The following SLC35F3 variants were observed in gnomAD, a reference collection of about 807,000 sequenced individuals.
SLC35F3 encodes solute carrier family 35 member F3.
SLC35F3 carries 25 observed loss-of-function variants against 49.9 expected under a neutral mutation model. The observed-to-expected ratio is 0.50, with a 90% CI of 0.37 to 0.70. The LOEUF is 0.70. Ranked by LOEUF, SLC35F3 falls within the 30% of genes least tolerant of loss-of-function variation. The pLI is 0.00. For missense variants in SLC35F3, 525 were observed against 639.8 expected, an observed-to-expected ratio of 0.82 and a Z score of 1.94; for synonymous variants, 275 against 265.4, an observed-to-expected ratio of 1.04 and a Z score of -0.35.
At chr1:234,131,629 A>C (rs1004824129) in intron 2 of SLC35F3, among the ~76,000 whole-genome samples, 1 of 152,218 alleles carries the variant, frequency 6.6e-6, no homozygotes, top group African/African-American at 2.4e-5. Flanking sequence ...GCGAGCAAGG[A>C]AGGGATTCAA....
chr1:234,234,000 G>A (rs918911546), intron 3 of SLC35F3, among the ~76,000 whole-genome samples: 5 of 152,028 alleles, frequency 3.3e-5, no homozygotes, highest in African/African-American at 1.2e-4. Context: ...TTCCTCAAAA[G>A]GAGAGAAAAA....
At chr1:234,040,350 TA>T (rs2102852789) in intron 2 of SLC35F3, among the ~76,000 whole-genome samples, 1 of 152,268 alleles carries the variant, frequency 6.6e-6, no homozygotes, top group South Asian at 2.1e-4. Context: ...ATTTGATTTG[TA>T]AAAAGACGTT....
chr1:234,137,863 T>G (rs1005066734), intron 2 of SLC35F3, among the ~76,000 whole-genome samples: 1 of 152,030 alleles, frequency 6.6e-6, no homozygotes, highest in Admixed American at 6.6e-5. Context: ...AGAGAAATGG[T>G]CCCCATCTGA....
intron 2 of SLC35F3, among the ~76,000 whole-genome samples, chr1:233,959,350 G>C (rs1248325080): frequency 1.3e-5 from 2 of 151,868 alleles, no homozygotes. Context: ...GCCCTTAACT[G>C]CAGCTGCTAC....
At chr1:234,002,088 G>C (rs764777460) in intron 2 of SLC35F3, among the ~76,000 whole-genome samples, 9 of 152,182 alleles carry the variant, frequency 5.9e-5, no homozygotes, top group South Asian at 2.1e-4. Flanking sequence ...TGAACAGAGA[G>C]TCTTGCACCT....
intron 2 of SLC35F3, among the ~76,000 whole-genome samples, chr1:233,943,546 A>C (rs1313122647): frequency 6.6e-6 from 1 of 152,222 alleles, no homozygotes; most frequent in Non-Finnish European, 1.5e-5. Context: ...TGAGTGTTGC[A>C]AATTTGATTC....
chr1:234,067,778 C>T (rs1234357689), intron 2 of SLC35F3, among the ~76,000 whole-genome samples: 1 of 152,190 alleles, frequency 6.6e-6, no homozygotes, highest in Non-Finnish European at 1.5e-5. Flanking sequence ...GCAAAACCAG[C>T]AGAACTGCTT....
intron 2 of SLC35F3, among the ~76,000 whole-genome samples, chr1:233,976,252 A>G (rs1042615192): frequency 6.6e-6 from 1 of 152,238 alleles, no homozygotes; most frequent in Non-Finnish European, 1.5e-5. Context: ...GATAAACAAG[A>G]AAAAGCAGAA....
chr1:234,291,892 T>C (rs1361361710), intron 3 of SLC35F3, among the ~76,000 whole-genome samples: 2 of 152,152 alleles, frequency 1.3e-5, no homozygotes, highest in Admixed American at 6.5e-5. Flanking sequence ...ATGTCCTTGG[T>C]GTGCAGAAGA....
At chr1:234,252,646 G>T (rs908806845) in intron 3 of SLC35F3, among the ~76,000 whole-genome samples, 1 of 152,164 alleles carries the variant, frequency 6.6e-6, no homozygotes, top group Non-Finnish European at 1.5e-5. Context: ...TCTTACGAGA[G>T]AAATGTGAAT....
Position 234,214,252 on chromosome 1 carries a change from G to A in SLC35F3, c.284-17165G>A. The A allele has an allele frequency of 8.0e-7, 1 of 1,247,592 alleles. No individual in the cohort carries two copies. Among genetic ancestry groups the A allele is most frequent in the East Asian group, 3.5e-5 (1 of 28,900 alleles). 77.3% of individuals were successfully genotyped at this position (1,247,592 alleles called of 1,614,324 possible). A position where few individuals can be genotyped will look rare whatever the true frequency, so the allele number is the denominator to read the frequency against. ...CAGCAACCTCCAAGTAGGAGGCTGT[G>A]CGCGCGTGTGTGTGGAGTGGCTGCG... On this transcript the variant is annotated intron_variant, in intron 2 of 7. Transcript: ENST00000366618. This position sits in a 1 kb window ranked among gnomAD's most constrained non-coding sequence, Gnocchi z 8.0.
At chr1:234,255,722 A>G (rs1667810933) in intron 3 of SLC35F3, among the ~76,000 whole-genome samples, 1 of 152,212 alleles carries the variant, frequency 6.6e-6, no homozygotes. Flanking sequence ...AGGCAAAATT[A>G]TAAAGACAAT....
intron 2 of SLC35F3, among the ~76,000 whole-genome samples, chr1:234,124,213 C>T (rs1182877028): frequency 2.6e-5 from 4 of 152,214 alleles, no homozygotes; most frequent in Admixed American, 2.6e-4. Flanking sequence ...GAGCAGTGCT[C>T]TCCTAGCCAG....
chr1:234,078,304 A>G (rs1448419037), intron 2 of SLC35F3, among the ~76,000 whole-genome samples: 1 of 151,174 alleles, frequency 6.6e-6, no homozygotes, highest in African/African-American at 2.4e-5. Flanking sequence ...TTTCTCTCCA[A>G]TTTTCTCAGA....
At chr1:234,072,171 A>C (rs1028038130) in intron 2 of SLC35F3, among the ~76,000 whole-genome samples, 1 of 152,260 alleles carries the variant, frequency 6.6e-6, no homozygotes, top group African/African-American at 2.4e-5. Flanking sequence ...CAATCCTAAC[A>C]GTGCTGGTTT....
intron 2 of SLC35F3, among the ~76,000 whole-genome samples, chr1:233,955,850 A>G (rs1662689670): frequency 7.0e-6 from 1 of 142,226 alleles, no homozygotes; most frequent in Non-Finnish European, 1.5e-5. Context: ...GTTGACCACA[A>G]GGGAGTCAGC....
chr1:234,274,419 C>T (rs1343460179), intron 3 of SLC35F3: 1 of 152,132 alleles, frequency 6.6e-6, no homozygotes, highest in Admixed American at 6.5e-5. Context: ...CTGGTATTTC[C>T]AGGGATAGGA....
At chr1:233,921,636 A>G (rs1017832744) in intron 2 of SLC35F3, among the ~76,000 whole-genome samples, 2 of 152,054 alleles carry the variant, frequency 1.3e-5, no homozygotes, top group Non-Finnish European at 2.9e-5. Flanking sequence ...TTGAAGTCAC[A>G]TAGTAGGCAG....
At chr1:234,285,402 CTTGAAGAAAATGACG>C (rs1301150301) in intron 3 of SLC35F3, 2 of 462,822 alleles carry the variant, frequency 4.3e-6, no homozygotes, top group Non-Finnish European at 8.7e-6. Context: ...TGAATTAATC[CTTGAAGAAAATGACG>C]TTGAGCTTGT....
Sources: gnomAD v4.1 joint callset for allele counts (sites outside exome capture counted in the v4.1 genomes callset) on GRCh38, gnomAD v4.1.1 for gene constraint, Gnocchi (gnomAD v3.1) non-coding constraint, MANE v1.5 for transcripts, NCBI Gene and HGNC (gene_info 2026-07-23, HGNC 2026-07-21) for gene names.